The following PCDH15 variants were observed in gnomAD, a reference collection of about 807,000 sequenced individuals.
PCDH15 encodes the protein protocadherin related 15.
In PCDH15, 129 loss-of-function variants were observed where a neutral mutation model predicts 178.5. The ratio of observed to expected loss-of-function variants is 0.72; its 90% confidence interval spans 0.63 to 0.84. PCDH15 has a LOEUF of 0.84. Among genes scored for constraint, PCDH15 ranks in the 40% least tolerant of loss-of-function variants. The probability of loss-of-function intolerance (pLI) is 0.00; values close to 1 mark genes in which losing one functional copy is unlikely to be tolerated. For missense variants in PCDH15, 2,230 were observed against 2,099.9 expected (o/e 1.06, Z -1.21); for synonymous variants, 800 against 732.0 (o/e 1.09, Z -1.50).
intron 2 of PCDH15, among the ~76,000 whole-genome samples, chr10:55,600,403 ATT>A (rs1843049459): frequency 6.6e-6 from 1 of 152,004 alleles, no homozygotes; most frequent in African/African-American, 2.4e-5. Context: ...TTGGAGCATA[ATT>A]CAACCTCCGA....
chr10:54,774,442 A>G (rs1004768629), intron 1 of PCDH15, among the ~76,000 whole-genome samples: 1 of 152,196 alleles, frequency 6.6e-6, no homozygotes, highest in Non-Finnish European at 1.5e-5. Flanking sequence ...CTATGTATCT[A>G]CTATATCTTG....
chr10:54,158,316 TAAGAG>T (rs2045362620), intron 13 of PCDH15, among the ~76,000 whole-genome samples: 1 of 152,134 alleles, frequency 6.6e-6, no homozygotes, highest in African/African-American at 2.4e-5. Flanking sequence ...TGGTAGCAGA[TAAGAG>T]AGGAGAGCTT....
intron 8 of PCDH15, among the ~76,000 whole-genome samples, chr10:54,277,914 T>G (rs1257486803): frequency 6.6e-6 from 1 of 151,420 alleles, no homozygotes; most frequent in Non-Finnish European, 1.5e-5. Context: ...GGAATATCAA[T>G]TACCTGAAAT....
At chr10:55,595,615 T>TA (rs2132136476) in intron 2 of PCDH15, among the ~76,000 whole-genome samples, 1 of 152,184 alleles carries the variant, frequency 6.6e-6, no homozygotes, top group African/African-American at 2.4e-5. Flanking sequence ...ATTTAAGTTA[T>TA]TTTTTTAAAG....
At chr10:55,266,063 C>T (rs1842286341) in intron 1 of PCDH15, among the ~76,000 whole-genome samples, 1 of 152,168 alleles carries the variant, frequency 6.6e-6, no homozygotes. Context: ...GGTTTAATAC[C>T]TTTCACCAGG....
chr10:55,321,279 T>C (rs1313093911), upstream of PCDH15, among the ~76,000 whole-genome samples: 3 of 151,934 alleles, frequency 2.0e-5, no homozygotes, highest in African/African-American at 7.3e-5. Context: ...CTCACTTAAA[T>C]GACACAGACA....
intron 3 of PCDH15, among the ~76,000 whole-genome samples, chr10:54,852,588 C>T (rs557647013): frequency 6.6e-6 from 1 of 152,242 alleles, no homozygotes; most frequent in East Asian, 1.9e-4. Flanking sequence ...TGCAGTGGCT[C>T]ATGCCTATAA....
Position 53,804,281 on chromosome 10 carries a change from A to C in PCDH15, c.*2298T>G, listed in dbSNP as rs531606997. 11 of 152,060 alleles carry C rather than the reference A, an allele frequency of 7.2e-5. No individual in the cohort carries two copies. In the East Asian group the frequency reaches 2.1e-3, roughly 29 times the overall value. 9.4% of individuals were successfully genotyped at this position (152,060 alleles called of 1,614,324 possible). ...TGCTAAGTGGCTTGTAAAATTTTGCATATTTTCTCATAAAAAATGTAGTTT... is the reference window on the plus strand; with the variant it reads ...TGCTAAGTGGCTTGTAAAATTTTGCCTATTTTCTCATAAAAAATGTAGTTT... On this transcript the variant is annotated 3_prime_UTR_variant, in exon 38 of 38. Transcript: ENST00000644397.
At chr10:54,858,196 G>A (rs1293921775) in intron 3 of PCDH15, among the ~76,000 whole-genome samples, 1 of 152,096 alleles carries the variant, frequency 6.6e-6, no homozygotes, top group African/African-American at 2.4e-5. Flanking sequence ...GTTTCACTAA[G>A]AATAAAGACC....
At position 53,805,848 on chromosome 10, in the gene PCDH15, A is replaced by C. The variant is rs1841114975; in HGVS notation, c.*731T>G. 6.6e-6 allele frequency: 1 copy of C among 152,042 alleles called. No individual in the cohort carries two copies. Among genetic ancestry groups the C allele is most frequent in the Non-Finnish European group, 1.5e-5 (1 of 68,008 alleles). The allele number at this position is 152,042 out of a possible 1,614,324, so 9.4% of individuals were successfully genotyped here. A position where few individuals can be genotyped will look rare whatever the true frequency, so the allele number is the denominator to read the frequency against. On this transcript the variant is annotated 3_prime_UTR_variant, in exon 38 of 38. Transcript: ENST00000644397. ...TGCTCCAAACAATTATTTAACCTCA[A>C]GTGATTAAACTAAACTAAAGTATCT... is the stretch of plus-strand genomic sequence containing the variant.
At chr10:55,341,803 ATATTTTTTTTTTTTTTTTT>A (rs1384517520) in intron 2 of PCDH15, among the ~76,000 whole-genome samples, 3 of 11,336 alleles carry the variant, frequency 2.6e-4, no homozygotes, top group Admixed American at 1.3e-3. Flanking sequence ...ATATATATAT[ATATTTTTTTTTTTTTTTTT>A]TTTTTTTTTA....
At position 54,917,552 on chromosome 10, in the gene PCDH15, C is replaced by T. The variant is rs115431644; in HGVS notation, c.-79-20052G>A. ...ATGATTACCATCCCTGTACTTTGCA[C>T]GTCTAACTTAAGCCCATATAGAGCA... On this transcript the variant is annotated intron_variant, in intron 2 of 5. Transcript: ENST00000458638. Among the ~76,000 whole-genome samples the T allele has an allele frequency of 2.1e-3, 325 of 152,254 alleles. 1 individual carries two copies. Among genetic ancestry groups the T allele is most frequent in the African/African-American group, 7.3e-3 (305 of 41,558 alleles).
At chr10:55,363,057 C>T (rs1328395668) in intron 2 of PCDH15, among the ~76,000 whole-genome samples, 4 of 152,160 alleles carry the variant, frequency 2.6e-5, no homozygotes, top group African/African-American at 9.7e-5. Flanking sequence ...CACATGCAGT[C>T]CATGGGCTGT....
intron 20 of PCDH15, among the ~76,000 whole-genome samples, 183 bp downstream of exon 20, chr10:54,020,009 T>C (rs887363582): frequency 8.5e-5 from 13 of 152,082 alleles, no homozygotes; most frequent in Admixed American, 5.9e-4. Flanking sequence ...TCTTTTATAG[T>C]CAAAAATATA....
intron 20 of PCDH15, among the ~76,000 whole-genome samples, chr10:53,998,382 A>G (rs1352608322): frequency 6.6e-6 from 1 of 152,176 alleles, no homozygotes; most frequent in Non-Finnish European, 1.5e-5. Flanking sequence ...AAAGCCTGCA[A>G]TTTGTTTCCA....
At chr10:54,409,262 T>C (rs1953134559) in intron 3 of PCDH15, among the ~76,000 whole-genome samples, 1 of 152,130 alleles carries the variant, frequency 6.6e-6, no homozygotes, top group African/African-American at 2.4e-5. Flanking sequence ...AATGGCCAAA[T>C]ATACTATAGC....
Position 54,080,113 on chromosome 10 carries a change from T to A in PCDH15, c.1998-689A>T, listed in dbSNP as rs186315566. On this transcript the variant is annotated intron_variant, in intron 16 of 37. Coordinates refer to ENST00000644397, the MANE Select transcript of PCDH15 (RefSeq NM_001384140.1). ...AAATATAATTGTATTAGAATTCATGTTCTCATTTTATAATTTGTTTAAAAC... is the reference window on the plus strand; with the variant it reads ...AAATATAATTGTATTAGAATTCATGATCTCATTTTATAATTTGTTTAAAAC... 4.8e-3 allele frequency among the ~76,000 whole-genome samples: 737 copies of A among 152,168 alleles called. 4 individuals carry two copies. The highest frequency in any genetic ancestry group is 0.023 in the South Asian group (112 of 4,816).
chr10:55,452,481 A>G (rs573475538), intron 2 of PCDH15, among the ~76,000 whole-genome samples: 2 of 152,288 alleles, frequency 1.3e-5, no homozygotes, highest in East Asian at 3.9e-4. Context: ...AGGAATCTAG[A>G]TTCTGGTTTC....
rs544097356 is a variant in PCDH15, at chr10:53,911,085, ACT to A, written c.3374-7717_3374-7716del. Among the ~76,000 whole-genome samples the A allele has an allele frequency of 5.1e-3, 778 of 152,264 alleles. 8 individuals are homozygous for A. Among genetic ancestry groups the A allele is most frequent in the African/African-American group, 0.018 (730 of 41,544 alleles). The stretch of plus-strand genomic sequence containing the variant: ...GGAGAATGGAACCAAGCTGAGAAAC[ACT>A]CTTCAGGATATCATCCAGGAGAACT... On this transcript the variant is annotated intron_variant, in intron 25 of 37. Coordinates refer to ENST00000644397, the MANE Select transcript of PCDH15 (RefSeq NM_001384140.1).
Sources: allele counts gnomAD v4.1 joint callset (sites outside exome capture counted in the v4.1 genomes callset), GRCh38; gene constraint gnomAD v4.1.1; transcripts MANE v1.5; gene names NCBI Gene and HGNC (gene_info 2026-07-23, HGNC 2026-07-21).